The following ANO2 variants were observed in gnomAD, a reference collection of about 807,000 sequenced individuals.
ANO2 encodes anoctamin-2.
A neutral mutation model predicts 124.2 loss-of-function variants in ANO2; 101 were observed. The observed-to-expected ratio is 0.81, with a 90% CI of 0.69 to 0.96. The LOEUF is 0.96. Among genes scored for constraint, ANO2 ranks in the 40% least tolerant of loss-of-function variants. The pLI, the probability that ANO2 is intolerant of heterozygous loss-of-function variation, is 0.00. For synonymous variants in ANO2, 486 were observed against 482.5 expected (o/e 1.01, Z -0.09); for missense variants, 1,293 against 1,274.5 (o/e 1.01, Z -0.22).
chr12:5,830,613 C>T (rs1954120906), intron 5 of ANO2, 124 bp from the exon 6 acceptor site: 5 of 684,314 alleles, frequency 7.3e-6, no homozygotes, highest in East Asian at 3.1e-5. Context: ...GGTGCACACA[C>T]ACACGATGTT....
intron 4 of ANO2, among the ~76,000 whole-genome samples, chr12:5,845,566 CA>C (rs11354500): frequency 0.83 from 83,635 of 101,352 alleles, 34,274 homozygotes; most frequent in East Asian, 0.94. Context: ...GACTACATCT[CA>C]AAAAAAAAAA....
In ANO2 at chr12:5,565,509, C is replaced by T. The variant is rs755469174; in HGVS notation, c.2727+49G>A. ...GCAAGCAATGAGTGCAGTGTCCTTA[C>T]TCCTGCAGCCCGGATTCGAATGGGC... On this transcript the variant is annotated intron_variant, in intron 24 of 24. Transcript: ENST00000682330. 4.1e-6 allele frequency: 6 copies of T among 1,466,156 alleles called. No homozygotes were observed. In the African/African-American group the frequency reaches 7.0e-5, roughly 17 times the overall value. The allele number at this position is 1,466,156 out of a possible 1,614,324, so 90.8% of individuals were successfully genotyped here.
At chr12:5,624,406 T>C (rs1159257404) in intron 16 of ANO2, among the ~76,000 whole-genome samples, 4 of 152,120 alleles carry the variant, frequency 2.6e-5, no homozygotes, top group Non-Finnish European at 4.4e-5. Context: ...TTTTTCTCCC[T>C]GTGACAAGGA....
chr12:5,658,918 T>G lies in ANO2; in HGVS notation c.1546-11117A>C, dbSNP rs547207762. Among the ~76,000 whole-genome samples, 4 of 152,292 alleles carry G rather than the reference T, an allele frequency of 2.6e-5. No homozygotes were observed. The highest frequency in any genetic ancestry group is 6.5e-5 in the Admixed American group (1 of 15,298). ...AAAATCATCATCAGCAACAGCAGCA[T>G]CATCATCATCATTGCTTTATCCACC... On this transcript the variant is annotated intron_variant, in intron 14 of 24. Coordinates refer to ENST00000682330, the MANE Select transcript of ANO2 (RefSeq NM_001364791.2). This position sits in a 1 kb window ranked among gnomAD's most constrained non-coding sequence, Gnocchi z 4.3.
In ANO2 at chr12:5,635,375, C is replaced by T. The variant is rs1945960835; in HGVS notation, c.1621-28G>A. On this transcript the variant is annotated intron_variant, in intron 15 of 24. Transcript: ENST00000682330. This position sits in a 1 kb window ranked among gnomAD's most constrained non-coding sequence, Gnocchi z 5.2. ...GTTTGGGAAAACAGAGAGAAGTACA[C>T]ATCAGCCGGCAATTACCGAGCACCT... 2 of 1,492,648 alleles carry T rather than the reference C, an allele frequency of 1.3e-6. No individual in the cohort carries two copies. The highest frequency in any genetic ancestry group is 1.4e-5 in the African/African-American group (1 of 71,348). The allele number at this position is 1,492,648 out of a possible 1,614,324, so 92.5% of individuals were successfully genotyped here.
At chr12:5,780,863 G>GA (rs1438010132) in intron 10 of ANO2, among the ~76,000 whole-genome samples, 3 of 152,096 alleles carry the variant, frequency 2.0e-5, no homozygotes, top group Non-Finnish European at 4.4e-5. Context: ...TTTTGGAAGG[G>GA]AAAAAAGGAA....
At chr12:5,569,570 G>A (rs542368186) in intron 23 of ANO2, among the ~76,000 whole-genome samples, 1 of 152,110 alleles carries the variant, frequency 6.6e-6, no homozygotes, top group African/African-American at 2.4e-5. Context: ...GAGCAGCTAC[G>A]CCACTTACTA....
intron 10 of ANO2, among the ~76,000 whole-genome samples, chr12:5,754,187 A>G (rs78261787): frequency 3.3e-5 from 5 of 152,082 alleles, no homozygotes; most frequent in East Asian, 3.9e-4. Context: ...TTCTCCATCT[A>G]TTGAGATGTT....
At chr12:5,614,298 C>A (rs1182716829) in intron 17 of ANO2, among the ~76,000 whole-genome samples, 3 of 152,166 alleles carry the variant, frequency 2.0e-5, no homozygotes, top group Admixed American at 2.0e-4. Context: ...TCCTGGCAGA[C>A]CCCTAGGACT....
intron 4 of ANO2, among the ~76,000 whole-genome samples, chr12:5,842,947 C>T (rs1011045471): frequency 6.6e-6 from 1 of 152,150 alleles, no homozygotes; most frequent in African/African-American, 2.4e-5. Flanking sequence ...TGCACTCTTT[C>T]CAGTCTATTT....
chr12:5,822,875 T>C (rs1017102177), intron 7 of ANO2, among the ~76,000 whole-genome samples: 50 of 152,250 alleles, frequency 3.3e-4, no homozygotes, highest in African/African-American at 1.2e-3. Context: ...CCAAGAATCA[T>C]GGAGGGAGGC....
chr12:5,899,881 G>C (rs1054921312), intron 3 of ANO2, among the ~76,000 whole-genome samples: 3 of 152,204 alleles, frequency 2.0e-5, no homozygotes, highest in African/African-American at 4.8e-5. Context: ...TCAGGGAGGA[G>C]GGATGGTGGG....
chr12:5,604,440 C>T (rs767275317), intron 19 of ANO2, among the ~76,000 whole-genome samples: 9 of 152,068 alleles, frequency 5.9e-5, no homozygotes, highest in Non-Finnish European at 8.8e-5. Flanking sequence ...GTGGAAAGAG[C>T]GGCGGAAGCC....
intron 14 of ANO2, among the ~76,000 whole-genome samples, chr12:5,663,889 A>G (rs1214841641): frequency 2.0e-5 from 3 of 152,238 alleles, no homozygotes; most frequent in Admixed American, 2.0e-4. Context: ...ATGATTTTAT[A>G]AGCATTCATG....
At chr12:5,610,733 T>TATAC (rs1944487070) in intron 19 of ANO2, among the ~76,000 whole-genome samples, 1 of 140,510 alleles carries the variant, frequency 7.1e-6, no homozygotes, top group Non-Finnish European at 1.5e-5. Context: ...CATATATATA[T>TATAC]ATATATATAT....
chr12:5,917,559 TTTTTTC>T (rs368900369), intron 3 of ANO2, among the ~76,000 whole-genome samples: 103 of 109,858 alleles, frequency 9.4e-4, no homozygotes, highest in South Asian at 1.9e-3. Flanking sequence ...TATTATTCTC[TTTTTTC>T]TTTTTTTTTT....
At chr12:5,623,975 G>A (rs1418056035) in intron 16 of ANO2, among the ~76,000 whole-genome samples, 1 of 152,164 alleles carries the variant, frequency 6.6e-6, no homozygotes, top group Non-Finnish European at 1.5e-5. Context: ...AAGCCAGCCA[G>A]CTGGGTAACA....
At chr12:5,702,083 A>G (rs1949425908) in intron 14 of ANO2, among the ~76,000 whole-genome samples, 1 of 152,258 alleles carries the variant, frequency 6.6e-6, no homozygotes, top group African/African-American at 2.4e-5. Context: ...TATAACGTAA[A>G]TTCTGTGAAA....
intron 4 of ANO2, among the ~76,000 whole-genome samples, chr12:5,839,264 G>A (rs1220187676): frequency 1.3e-5 from 2 of 152,148 alleles, no homozygotes; most frequent in Non-Finnish European, 2.9e-5. Flanking sequence ...GCACCCCAGA[G>A]AGCTACAGAA....
Sources: gnomAD v4.1 joint callset for allele counts (sites outside exome capture counted in the v4.1 genomes callset) on GRCh38, gnomAD v4.1.1 for gene constraint, Gnocchi (gnomAD v3.1) non-coding constraint, MANE v1.5 for transcripts, NCBI Gene and HGNC (gene_info 2026-07-23, HGNC 2026-07-21) for gene names.